IL1RL1: variants seen among roughly 807,000 people sequenced by gnomAD.
IL1RL1 encodes the protein interleukin-1 receptor-like 1.
Under a neutral mutation model 50.9 loss-of-function variants are expected in IL1RL1, and 32 were observed. That is an observed-to-expected ratio of 0.63 (90% confidence interval 0.47 to 0.84). The LOEUF is 0.84. Ranked by LOEUF, IL1RL1 falls within the 40% of genes least tolerant of loss-of-function variation. The pLI is 0.00. For missense variants in IL1RL1, 773 were observed against 662.9 expected (o/e 1.17, Z -1.82); for synonymous variants, 275 against 236.0 (o/e 1.17, Z -1.51).
chr2:102,341,102 A>C, intron 5 of IL1RL1: 1 of 843,420 alleles, frequency 1.2e-6, no homozygotes, highest in Non-Finnish European at 1.5e-6. Context: ...AAGATAAAGC[A>C]ATCTGAATGC....
intron 1 of IL1RL1, among the ~76,000 whole-genome samples, chr2:102,316,726 A>G (rs1160560908): frequency 2.0e-5 from 3 of 152,196 alleles, no homozygotes; most frequent in Non-Finnish European, 4.4e-5. Flanking sequence ...CTTCTGTTAC[A>G]TGATATGGAT....
intron 1 of IL1RL1, among the ~76,000 whole-genome samples, chr2:102,326,991 G>T (rs1677021425): frequency 6.6e-6 from 1 of 152,108 alleles, no homozygotes; most frequent in African/African-American, 2.4e-5. Flanking sequence ...ACTCAGCTCT[G>T]CACCAAGCAG....
At chr2:102,329,236 G>A (rs2104972931) in intron 1 of IL1RL1, among the ~76,000 whole-genome samples, 1 of 152,264 alleles carries the variant, frequency 6.6e-6, no homozygotes, top group Non-Finnish European at 1.5e-5. Context: ...CAAGAAATGG[G>A]GAAAGGATTC....
At chr2:102,346,182 T>A in intron 8 of IL1RL1, 1 of 341,506 alleles carries the variant, frequency 2.9e-6, no homozygotes, top group Non-Finnish European at 4.1e-6. Flanking sequence ...TTGAAAGGCC[T>A]ATGTCTCCAT....
intron 1 of IL1RL1, among the ~76,000 whole-genome samples, chr2:102,327,226 A>G (rs992872920): frequency 5.9e-5 from 9 of 152,178 alleles, no homozygotes; most frequent in African/African-American, 2.2e-4. Flanking sequence ...AACTACATGG[A>G]AACTGAACAA....
At chr2:102,350,364 C>T (rs1573164882) in intron 10 of IL1RL1, among the ~76,000 whole-genome samples, 1 of 152,240 alleles carries the variant, frequency 6.6e-6, no homozygotes, top group East Asian at 1.9e-4. Flanking sequence ...CAGCCAAACC[C>T]AGATGCTAGC....
intron 8 of IL1RL1, chr2:102,345,224 A>G (rs945132815): frequency 2.0e-6 from 2 of 985,158 alleles, no homozygotes; most frequent in Non-Finnish European, 2.4e-6. Context: ...AGGTGGACTG[A>G]TCCTTCTCCC....
chr2:102,317,424 A>C (rs1202621351), intron 1 of IL1RL1, among the ~76,000 whole-genome samples: 2 of 152,230 alleles, frequency 1.3e-5, no homozygotes. Context: ...ACACTGTTAC[A>C]GATAGTTTAA....
chr2:102,335,110 T>C lies in IL1RL1; in HGVS notation c.-149-3006T>C, dbSNP rs138849984. Among the ~76,000 whole-genome samples, 206 of 152,310 alleles carry C rather than the reference T, an allele frequency of 1.4e-3. 1 individual carries two copies. The highest frequency in any genetic ancestry group is 4.7e-3 in the African/African-American group (196 of 41,572). On this transcript the variant is annotated intron_variant, in intron 1 of 10. Coordinates refer to ENST00000233954, the MANE Select transcript of IL1RL1 (RefSeq NM_016232.5). ...CAAGCGGACACTGGAAGATTTCTGA[T>C]TAAGTTGGCAGAAATTTATGGGTGC...
Position 102,351,937 on chromosome 2 carries a change from G to C in IL1RL1, c.*16G>C, listed in dbSNP as rs1440695176. 1 of 1,586,134 alleles carries C rather than the reference G, an allele frequency of 6.3e-7. No homozygotes were observed. The highest frequency in any genetic ancestry group is 1.8e-5 in the Admixed American group (1 of 56,904). ...GAAGCAATAGTGCCTGCTGTGATGTGCAAAGGCATCTGAGTTTGAAGCTTT... is the reference window on the plus strand; with the variant it reads ...GAAGCAATAGTGCCTGCTGTGATGTCCAAAGGCATCTGAGTTTGAAGCTTT... On this transcript the variant is annotated 3_prime_UTR_variant, in exon 11 of 11. Coordinates refer to ENST00000233954, the MANE Select transcript of IL1RL1 (RefSeq NM_016232.5).
chr2:102,318,354 G>C (rs1020578847), intron 1 of IL1RL1, among the ~76,000 whole-genome samples: 1 of 148,704 alleles, frequency 6.7e-6, no homozygotes, highest in East Asian at 1.9e-4. Context: ...GCTGGAGAAA[G>C]AGAGGTATAA....
At chr2:102,347,227 A>G (rs898904764) in intron 8 of IL1RL1, among the ~76,000 whole-genome samples, 7 of 152,144 alleles carry the variant, frequency 4.6e-5, no homozygotes, top group African/African-American at 1.7e-4. Context: ...TCATTATTGC[A>G]TGAGTTACAA....
intron 1 of IL1RL1, among the ~76,000 whole-genome samples, chr2:102,327,529 A>G (rs1276836004): frequency 6.6e-6 from 1 of 152,194 alleles, no homozygotes; most frequent in Non-Finnish European, 1.5e-5. Context: ...GGAAATAGAG[A>G]CACAAAAAAC....
intron 1 of IL1RL1, among the ~76,000 whole-genome samples, chr2:102,327,583 A>T (rs1487990241): frequency 1.3e-5 from 2 of 152,210 alleles, no homozygotes; most frequent in African/African-American, 4.8e-5. Context: ...TTTTGAAAAG[A>T]TCAACAAAAT....
At chr2:102,328,046 C>T (rs950319638) in intron 1 of IL1RL1, among the ~76,000 whole-genome samples, 3 of 151,982 alleles carry the variant, frequency 2.0e-5, no homozygotes, top group African/African-American at 7.2e-5. Flanking sequence ...GGCAGAGACA[C>T]AACAAAAAAA....
chr2:102,348,107 C>A lies in IL1RL1; in HGVS notation c.1117+16C>A. The A allele has an allele frequency of 6.3e-7, 1 of 1,597,494 alleles. No homozygotes were observed. The highest frequency in any genetic ancestry group is 1.1e-5 in the South Asian group (1 of 88,598). ...ACTAGGAATGGTAAGTGGCAAATACCAAGTTTTTCTCCCAAAGAAAAAGTC... is the reference window on the plus strand; with the variant it reads ...ACTAGGAATGGTAAGTGGCAAATACAAAGTTTTTCTCCCAAAGAAAAAGTC... On this transcript the variant is annotated intron_variant, in intron 9 of 10. Transcript: ENST00000233954.
At chr2:102,342,401 C>T in intron 6 of IL1RL1, 107 bp downstream of exon 6, 1 of 741,744 alleles carries the variant, frequency 1.3e-6, no homozygotes. Context: ...CATAAGGAAC[C>T]TTGAGGAGTA....
At chr2:102,340,889 G>A (rs1445144497) in intron 5 of IL1RL1, 61 bp downstream of exon 5, 61 of 1,341,766 alleles carry the variant, frequency 4.5e-5, no homozygotes, top group Middle Eastern at 1.9e-4. Flanking sequence ...TGGGAACAGC[G>A]GTGCCCTTCT....
chr2:102,314,145 T>TAGCAGC (rs34646353), intron 1 of IL1RL1, among the ~76,000 whole-genome samples: 4 of 151,606 alleles, frequency 2.6e-5, no homozygotes, highest in East Asian at 1.9e-4. Context: ...TGGAATAACA[T>TAGCAGC]AGCAGCAGCA....
Sources: gnomAD v4.1 joint callset for allele counts (sites outside exome capture counted in the v4.1 genomes callset) on GRCh38, gnomAD v4.1.1 for gene constraint, MANE v1.5 for transcripts, NCBI Gene and HGNC (gene_info 2026-07-23, HGNC 2026-07-21) for gene names.